The following FAM124A variants were observed in gnomAD, a reference collection of about 807,000 sequenced individuals.
FAM124A encodes family with sequence similarity 124 member A, also known as protein FAM124A.
FAM124A carries 23 observed loss-of-function variants against 24.5 expected under a neutral mutation model. The ratio of observed to expected loss-of-function variants is 0.94; its 90% CI spans 0.68 to 1.33. FAM124A has a LOEUF of 1.33. Ranked by LOEUF, FAM124A falls within the 40% of genes most tolerant of loss-of-function variation. The pLI is 0.00. For missense variants in FAM124A, 623 were observed against 722.8 expected (o/e 0.86, Z 1.58); for synonymous variants, 287 against 314.7 (o/e 0.91, Z 0.93).
chr13:51,224,769 T>C (rs907836155), intron 1 of FAM124A, among the ~76,000 whole-genome samples: 1 of 152,232 alleles, frequency 6.6e-6, no homozygotes, highest in Non-Finnish European at 1.5e-5. Context: ...CAAACTTTTA[T>C]GGCTCTGTTA....
Position 51,281,973 on chromosome 13 carries a change from C to T in FAM124A, c.*717C>T, listed in dbSNP as rs1390381380. On this transcript the variant is annotated 3_prime_UTR_variant, in exon 4 of 4. Transcript: ENST00000322475. ...GTTCCAGAAAGTAGATTTGCATACA[C>T]CTTTTCAACAGCACATTTCACTGGA... The T allele has an allele frequency of 6.6e-6, 1 of 152,182 alleles. No homozygotes were observed. The highest frequency in any genetic ancestry group is 1.5e-5 in the Non-Finnish European group (1 of 68,032). 9.4% of individuals were successfully genotyped at this position (152,182 alleles called of 1,614,324 possible).
rs770628949 is a variant in FAM124A, at chr13:51,281,116, C to A, written c.1501C>A (p.Pro501Thr). The change falls in exon 4 of 4, where the codon CCC becomes ACC. Residue 501 changes from proline to threonine, a missense_variant. Coordinates refer to ENST00000322475, the MANE Select transcript of FAM124A (RefSeq NM_001242312.2). ...GACAGCTCGTGCTGCTCCCCCAGCT[C>A]CCAGCACCTCCACCCTCACAGACTC... ...SATARAAPPA[P>T]STSTLTDSSP... is the part of the protein sequence containing the mutation. 1 of 1,614,114 alleles carries A rather than the reference C, an allele frequency of 6.2e-7. No homozygotes were observed. The highest frequency in any genetic ancestry group is 1.3e-5 in the African/African-American group (1 of 75,008).
intron 2 of FAM124A, among the ~76,000 whole-genome samples, chr13:51,244,052 C>G (rs1954530493): frequency 6.6e-6 from 1 of 152,224 alleles, no homozygotes; most frequent in African/African-American, 2.4e-5. Context: ...AAGCCAGGCT[C>G]CAGGGCCAGA....
At chr13:51,257,802 C>A (rs1397908521) in intron 3 of FAM124A, among the ~76,000 whole-genome samples, 1 of 152,196 alleles carries the variant, frequency 6.6e-6, no homozygotes, top group Non-Finnish European at 1.5e-5. Flanking sequence ...TCAGAGGGGC[C>A]TTCTCTGCCT....
intron 2 of FAM124A, among the ~76,000 whole-genome samples, chr13:51,247,326 G>A (rs2137671692): frequency 6.6e-6 from 1 of 152,362 alleles, no homozygotes; most frequent in South Asian, 2.1e-4. Flanking sequence ...GGATACTGGA[G>A]CTAGTGCTCA....
At chr13:51,248,123 A>C (rs908724684) in intron 2 of FAM124A, among the ~76,000 whole-genome samples, 5 of 152,206 alleles carry the variant, frequency 3.3e-5, no homozygotes, top group African/African-American at 1.2e-4. Context: ...CAACACAAAG[A>C]TCCAGTTGCC....
intron 3 of FAM124A, among the ~76,000 whole-genome samples, chr13:51,262,209 G>GC (rs1954744830): frequency 6.6e-6 from 1 of 152,224 alleles, no homozygotes; most frequent in African/African-American, 2.4e-5. Flanking sequence ...TGTCAGGTTG[G>GC]CCTGTTCAAA....
At chr13:51,240,987 C>T (rs1954485088) in intron 2 of FAM124A, among the ~76,000 whole-genome samples, 1 of 152,222 alleles carries the variant, frequency 6.6e-6, no homozygotes. Context: ...GCTGCCCTTG[C>T]AGCCCCACAT....
intron 3 of FAM124A, among the ~76,000 whole-genome samples, chr13:51,262,482 AG>A (rs200406059): frequency 0.013 from 1,977 of 152,176 alleles, 19 homozygotes; most frequent in Non-Finnish European, 0.022. Flanking sequence ...ACTACATGTC[AG>A]TTTTTTTTCT....
At chr13:51,231,420 C>T (rs1027901009) in intron 2 of FAM124A, 41 bp downstream of exon 2, 3 of 1,609,082 alleles carry the variant, frequency 1.9e-6, no homozygotes, top group Admixed American at 1.7e-5. Context: ...GTCTAACGGT[C>T]CCCGGAGAGG....
chr13:51,268,652 G>A (rs1055009005), intron 3 of FAM124A, among the ~76,000 whole-genome samples: 2 of 152,226 alleles, frequency 1.3e-5, no homozygotes, highest in Non-Finnish European at 1.5e-5. Context: ...AGGACACCAC[G>A]TTGTAGGGCC....
intron 2 of FAM124A, among the ~76,000 whole-genome samples, chr13:51,239,895 T>C (rs73490160): frequency 0.036 from 5,423 of 152,296 alleles, 291 homozygotes; most frequent in African/African-American, 0.11. Flanking sequence ...GAGTCGGTTA[T>C]AAACGGGGAG....
intron 2 of FAM124A, among the ~76,000 whole-genome samples, chr13:51,235,433 A>G (rs1954426070): frequency 6.6e-6 from 1 of 152,190 alleles, no homozygotes; most frequent in Non-Finnish European, 1.5e-5. Flanking sequence ...AATTTGCATC[A>G]TGTGTGATTG....
intron 3 of FAM124A, among the ~76,000 whole-genome samples, chr13:51,260,918 C>T (rs781693492): frequency 7.9e-5 from 12 of 152,128 alleles, no homozygotes; most frequent in South Asian, 2.1e-4. Context: ...CCAGGCACAG[C>T]GAACTCTAGG....
chr13:51,283,503 C>T lies in FAM124A; in HGVS notation c.*2247C>T, dbSNP rs1167769853. On this transcript the variant is annotated 3_prime_UTR_variant, in exon 4 of 4. Transcript: ENST00000322475. ...CCCGCCTAATGCTGCTGTGGTGTGT[C>T]ATGCCAAAAAAGTGGGCTACTCAGG... 1 of 151,988 alleles carries T rather than the reference C, an allele frequency of 6.6e-6. No homozygotes were observed. Among genetic ancestry groups the T allele is most frequent in the African/African-American group, 2.4e-5 (1 of 41,356 alleles). The allele number at this position is 151,988 out of a possible 1,614,324, so 9.4% of individuals were successfully genotyped here. A position where few individuals can be genotyped will look rare whatever the true frequency, so the allele number is the denominator to read the frequency against.
At position 51,272,200 on chromosome 13, in the gene FAM124A, CT is replaced by C. The variant is rs1017307901; in HGVS notation, c.835-8249del. Among the ~76,000 whole-genome samples the C allele has an allele frequency of 9.9e-5, 15 of 152,248 alleles. No homozygotes were observed. The highest frequency in any genetic ancestry group is 4.6e-4 in the Admixed American group (7 of 15,290). On this transcript the variant is annotated intron_variant, in intron 3 of 3. Coordinates refer to ENST00000322475, the MANE Select transcript of FAM124A (RefSeq NM_001242312.2). This position sits in a 1 kb window ranked among gnomAD's most constrained non-coding sequence, Gnocchi z 4.2. Reference sequence around the variant, plus strand: ...GCAAAACCAGAATATCCTTTTCCCCCTATCTTCTTACAAGGAAGTTGGGGGC... The same window carrying C: ...GCAAAACCAGAATATCCTTTTCCCCCATCTTCTTACAAGGAAGTTGGGGGC...
rs927098528 is a variant in FAM124A at position 51,280,738 on chromosome 13, T to G, written c.1123T>G (p.Ser375Ala). Reference protein sequence around the residue: ...CLPTGGPSLASSAEPQWFSNT... With the variant: ...CLPTGGPSLAASAEPQWFSNT... ...GCCCACGGGAGGCCCCTCCCTGGCC[T>G]CCTCAGCTGAACCACAGTGGTTTTC... is the stretch of plus-strand genomic sequence containing the variant. Residue 375 changes from serine (S) to alanine (A), a missense_variant, in exon 4 of 4, where the codon TCC becomes GCC. Physicochemically the swap from Ser to Ala is moderately conservative, Grantham distance 99 (BLOSUM62 1). Transcript: ENST00000322475. The G allele has an allele frequency of 1.7e-5, 27 of 1,614,020 alleles. No homozygotes were observed. The highest frequency in any genetic ancestry group is 2.0e-5 in the Non-Finnish European group (24 of 1,180,028).
At chr13:51,267,732 G>A (rs1954802419) in intron 3 of FAM124A, among the ~76,000 whole-genome samples, 1 of 152,126 alleles carries the variant, frequency 6.6e-6, no homozygotes, top group Non-Finnish European at 1.5e-5. Flanking sequence ...GAGTATAAGG[G>A]TTAAGCTGCC....
intron 1 of FAM124A, 145 bp from the exon 2 acceptor site, chr13:51,231,203 A>C: frequency 1.2e-6 from 1 of 845,724 alleles, no homozygotes; most frequent in Non-Finnish European, 1.9e-6. Flanking sequence ...TTTATTTTGC[A>C]TAAAATGAGC....
Sources: allele counts gnomAD v4.1 joint callset (sites outside exome capture counted in the v4.1 genomes callset), GRCh38; gene constraint gnomAD v4.1.1; non-coding constraint Gnocchi (gnomAD v3.1); transcripts MANE v1.5; gene names NCBI Gene and HGNC (gene_info 2026-07-23, HGNC 2026-07-21).